WEE1: variants seen among roughly 807,000 people sequenced by gnomAD.
WEE1 encodes the protein wee1-like protein kinase.
WEE1 carries 16 observed loss-of-function variants against 68.8 expected under a neutral mutation model. That is an observed-to-expected ratio of 0.23 (90% confidence interval 0.16 to 0.35). The LOEUF is 0.35. Ranked by LOEUF, WEE1 falls within the 10% of genes least tolerant of loss-of-function variation. WEE1 has a pLI of 1.00. For missense variants in WEE1, 651 were observed against 824.1 expected (o/e 0.79, Z 2.57); for synonymous variants, 349 against 318.7 (o/e 1.09, Z -1.01).
Position 9,574,107 on chromosome 11 carries a change from C to T in WEE1, c.174C>T (p.Pro58=). ...GGGAGGACTCGGCCTTTCAAGAGCC[C>T]GACTCGCCGCTGCCGCCCGCGCGGA... ...STGEDSAFQE[P]DSPLPPARSP... Residue 58 remains proline (P), a synonymous_variant, in exon 1 of 11, where the codon CCC becomes CCT. Coordinates refer to ENST00000450114, the MANE Select transcript of WEE1 (RefSeq NM_003390.4). This position sits in a 1 kb window ranked among gnomAD's most constrained non-coding sequence, Gnocchi z 4.9. The T allele has an allele frequency of 8.2e-7, 1 of 1,219,282 alleles. No individual in the cohort carries two copies. Among genetic ancestry groups the T allele is most frequent in the Non-Finnish European group, 1.0e-6 (1 of 979,758 alleles). 75.5% of individuals were successfully genotyped at this position (1,219,282 alleles called of 1,614,324 possible).
At chr11:9,583,127 A>G (rs1589979553) in intron 6 of WEE1, among the ~76,000 whole-genome samples, 1 of 151,836 alleles carries the variant, frequency 6.6e-6, no homozygotes, top group Admixed American at 6.6e-5. Flanking sequence ...AGCCTGGCCA[A>G]TATGATGAAA....
Position 9,585,495 on chromosome 11 carries a change from A to G in WEE1, c.1438A>G (p.Ser480Gly). Reference protein sequence around the residue: ...ISSPQVEEGDSRFLANEVLQE... With the variant: ...ISSPQVEEGDGRFLANEVLQE... ...CAGTCCACAAGTTGAAGAGGGCGAT[A>G]GTCGTTTTCTTGCAAATGAAGTTTT... The change falls in exon 8 of 11, where the codon AGT (serine) becomes GGT (glycine). Residue 480 changes from serine (S) to glycine (G), a missense_variant. Ser to Gly is a moderately conservative substitution (Grantham distance 56). Transcript: ENST00000450114. 1 of 1,597,352 alleles carries G rather than the reference A, an allele frequency of 6.3e-7. No homozygotes were observed. Among genetic ancestry groups the G allele is most frequent in the Non-Finnish European group, 8.5e-7 (1 of 1,175,924 alleles).
At chr11:9,581,771 GT>G (rs1849630899) in intron 6 of WEE1, 93 bp downstream of exon 6, 5 of 1,289,504 alleles carry the variant, frequency 3.9e-6, no homozygotes, top group Non-Finnish European at 5.3e-6. Flanking sequence ...TATATCTTCT[GT>G]TTTCTCATTG....
At chr11:9,582,027 A>G (rs979568164) in intron 6 of WEE1, among the ~76,000 whole-genome samples, 5 of 152,176 alleles carry the variant, frequency 3.3e-5, no homozygotes, top group African/African-American at 1.2e-4. Context: ...CCATGCCCAG[A>G]TAAATTCATT....
At position 9,586,702 on chromosome 11, in the gene WEE1, C is replaced by A. The variant is rs1351556048; in HGVS notation, c.1642-9C>A. 6.2e-7 allele frequency: 1 copy of A among 1,611,080 alleles called. No homozygotes were observed. Among genetic ancestry groups the A allele is most frequent in the Admixed American group, 1.7e-5 (1 of 59,068 alleles). Reference sequence around the variant, plus strand: ...ATGTCTTTACCTTCATTTTACTTTTCTTTTTAAGGTTATGATTCATCCAGA... The same window carrying A: ...ATGTCTTTACCTTCATTTTACTTTTATTTTTAAGGTTATGATTCATCCAGA... On this transcript the variant is annotated splice_polypyrimidine_tract_variant and intron_variant, in intron 9 of 10. Coordinates refer to ENST00000450114, the MANE Select transcript of WEE1 (RefSeq NM_003390.4).
chr11:9,577,349 C>T (rs923386810), intron 5 of WEE1, 86 bp downstream of exon 5: 150 of 1,482,854 alleles, frequency 1.0e-4, no homozygotes, highest in Non-Finnish European at 1.3e-4. Flanking sequence ...TGCTCTATTT[C>T]TGTCACTTTT....
intron 5 of WEE1, chr11:9,577,576 G>A (rs1234429446): frequency 3.0e-6 from 1 of 337,700 alleles, no homozygotes; most frequent in Non-Finnish European, 5.7e-6. Flanking sequence ...GAAGCATATA[G>A]TATTATGAAG....
At chr11:9,588,063 G>A (rs1849721438) in intron 10 of WEE1, among the ~76,000 whole-genome samples, 1 of 151,978 alleles carries the variant, frequency 6.6e-6, no homozygotes, top group African/African-American at 2.4e-5. Flanking sequence ...CACCCAGGCT[G>A]GAGTGCAGTG....
Position 9,589,315 on chromosome 11 carries a change from G to A in WEE1, c.*713G>A, listed in dbSNP as rs1317029052. ...TTTGAACTTTGAAGCTAGTGCATTG[G>A]AAAAATGCACCCTTTCCCTCCTTTG... On this transcript the variant is annotated 3_prime_UTR_variant, in exon 11 of 11. Transcript: ENST00000450114. The A allele has an allele frequency of 1.0e-6, 1 of 984,282 alleles. No individual in the cohort carries two copies. Among genetic ancestry groups the A allele is most frequent in the Non-Finnish European group, 1.2e-6 (1 of 829,506 alleles). The allele number at this position is 984,282 out of a possible 1,614,324, so 61.0% of individuals were successfully genotyped here.
chr11:9,577,335 A>C, intron 5 of WEE1, 72 bp downstream of exon 5: 1 of 1,534,806 alleles, frequency 6.5e-7, no homozygotes, highest in Non-Finnish European at 8.8e-7. Flanking sequence ...GTTATCTAAA[A>C]TCTTGCTCTA....
Position 9,583,787 on chromosome 11 carries a change from A to G in WEE1, c.1289-1471A>G, listed in dbSNP as rs1187276159. On this transcript the variant is annotated intron_variant, in intron 6 of 10. Coordinates refer to ENST00000450114, the MANE Select transcript of WEE1 (RefSeq NM_003390.4). The stretch of plus-strand genomic sequence containing the variant: ...CACACACACACACACACACACACAC[A>G]CACACACACACACACATATATATAT... Among the ~76,000 whole-genome samples, 3 of 31,480 alleles carry G rather than the reference A, an allele frequency of 9.5e-5. No homozygotes were observed. In the South Asian group the frequency reaches 3.4e-3, roughly 36 times the overall value. The allele number at this position is 31,480 out of a possible 152,430, so 20.7% of individuals were successfully genotyped here. A position where few individuals can be genotyped will look rare whatever the true frequency, so the allele number is the denominator to read the frequency against.
At chr11:9,580,108 C>T (rs1404445209) in intron 5 of WEE1, 3 of 152,132 alleles carry the variant, frequency 2.0e-5, no homozygotes, top group Non-Finnish European at 2.9e-5. Context: ...TAAATTATAA[C>T]TATACTAAAA....
At chr11:9,583,593 C>A (rs1323517130) in intron 6 of WEE1, among the ~76,000 whole-genome samples, 1 of 124,280 alleles carries the variant, frequency 8.0e-6, no homozygotes, top group African/African-American at 3.1e-5. Flanking sequence ...CCAGCCTGGG[C>A]GACAGAGCGA....
At chr11:9,579,932 T>A (rs1382920631) in intron 5 of WEE1, 1 of 152,214 alleles carries the variant, frequency 6.6e-6, no homozygotes, top group African/African-American at 2.4e-5. Flanking sequence ...CCAGCTCTGA[T>A]TTTTTTATTC....
chr11:9,577,310 G>A (rs367605095), intron 5 of WEE1, 47 bp downstream of exon 5: 46 of 1,590,030 alleles, frequency 2.9e-5, no homozygotes, highest in Admixed American at 8.9e-5. Flanking sequence ...AATGAACATC[G>A]AGGAAATATT....
Position 9,574,321 on chromosome 11 carries a change from GC to G in WEE1, c.393del (p.Tyr132ThrfsTer102). The G allele has an allele frequency of 2.4e-6, 3 of 1,271,926 alleles. No homozygotes were observed. The highest frequency in any genetic ancestry group is 3.5e-5 in the Admixed American group (1 of 28,456). The allele number at this position is 1,271,926 out of a possible 1,614,324, so 78.8% of individuals were successfully genotyped here. A position where few individuals can be genotyped will look rare whatever the true frequency, so the allele number is the denominator to read the frequency against. On this transcript the variant is annotated frameshift_variant, in exon 1 of 11. Transcript: ENST00000450114. LOFTEE classifies it high-confidence loss of function. The surrounding 1 kb of genome is among the most constrained non-coding windows in gnomAD (Gnocchi z 4.9). ...GSSSPVKSPA[A>X]PYFLGSSFSP... Reference sequence around the variant, plus strand: ...CTCGTCGCCGGTCAAGTCGCCGGCGGCCCCCTACTTCCTGGGTAGCTCTTTC... The same window carrying G: ...CTCGTCGCCGGTCAAGTCGCCGGCGGCCCCTACTTCCTGGGTAGCTCTTTC...
At chr11:9,586,392 T>G (rs2134357230) in intron 8 of WEE1, 57 bp from the exon 9 acceptor site, 1 of 1,498,748 alleles carries the variant, frequency 6.7e-7, no homozygotes, top group Non-Finnish European at 9.1e-7. Context: ...TGAGGTGTAA[T>G]CTTGTTTTAT....
rs970455502 is a variant in WEE1 at position 9,573,874 on chromosome 11, A to C, written c.-60A>C. The C allele has an allele frequency of 1.5e-4, 172 of 1,178,110 alleles. No homozygotes were observed. Among genetic ancestry groups the C allele is most frequent in the Non-Finnish European group, 1.8e-4 (168 of 947,460 alleles). 73.0% of individuals were successfully genotyped at this position (1,178,110 alleles called of 1,614,324 possible). A position where few individuals can be genotyped will look rare whatever the true frequency, so the allele number is the denominator to read the frequency against. On this transcript the variant is annotated 5_prime_UTR_variant, in exon 1 of 11. Transcript: ENST00000450114. ...GTGGCGGACCCGCCCCCAGGCCCGC[A>C]GTGTCCTGGACCCCGCAGGCCTCCG...
chr11:9,584,472 A>G (rs962445731), intron 6 of WEE1, among the ~76,000 whole-genome samples: 3 of 152,208 alleles, frequency 2.0e-5, no homozygotes, highest in Admixed American at 2.0e-4. Context: ...AACTATTAAA[A>G]TAGAATCTGC....
Sources: allele counts gnomAD v4.1 joint callset (sites outside exome capture counted in the v4.1 genomes callset), GRCh38; gene constraint gnomAD v4.1.1; non-coding constraint Gnocchi (gnomAD v3.1); transcripts MANE v1.5; gene names NCBI Gene and HGNC (gene_info 2026-07-23, HGNC 2026-07-21).